Variants in SYTL2 observed in about 807,000 individuals in gnomAD.
The protein encoded by SYTL2 is synaptotagmin like 2.
SYTL2 carries 165 observed loss-of-function variants against 198.7 expected under a neutral mutation model. The observed-to-expected ratio is 0.83, with a 90% CI of 0.73 to 0.94. SYTL2 has a LOEUF of 0.94. SYTL2 is among the 40% of genes least tolerant of loss of function. The pLI is 0.00. For missense variants in SYTL2, 2,835 were observed against 2,582.8 expected (o/e 1.10, Z -2.12); for synonymous variants, 966 against 917.7 (o/e 1.05, Z -0.95).
At chr11:85,743,618 C>G (rs2090953090) in intron 4 of SYTL2, among the ~76,000 whole-genome samples, 1 of 152,100 alleles carries the variant, frequency 6.6e-6, no homozygotes, top group African/African-American at 2.4e-5. Flanking sequence ...TGAAGTCACA[C>G]AAGGAATGCA....
At position 85,709,328 on chromosome 11, in the gene SYTL2, T is replaced by C. The variant is rs1369479371; in HGVS notation, c.5915+3A>G. 2 of 1,613,984 alleles carry C rather than the reference T, an allele frequency of 1.2e-6. No individual in the cohort carries two copies. Among genetic ancestry groups the C allele is most frequent in the African/African-American group, 2.7e-5 (2 of 74,928 alleles). ...AAGGTAGGTGACTCTAAAATGTACTTACGGGTCTGAACGCTGTTTTTTTAC... is the reference window on the plus strand; with the variant it reads ...AAGGTAGGTGACTCTAAAATGTACTCACGGGTCTGAACGCTGTTTTTTTAC... On this transcript the variant is annotated splice_donor_region_variant and intron_variant, in intron 14 of 19. Transcript: ENST00000359152.
Position 85,727,016 on chromosome 11 carries a change from T to C in SYTL2, c.2342A>G (p.Lys781Arg), listed in dbSNP as rs568355733. 1 of 1,536,558 alleles carries C rather than the reference T, an allele frequency of 6.5e-7. No homozygotes were observed. Among genetic ancestry groups the C allele is most frequent in the South Asian group, 1.2e-5 (1 of 84,052 alleles). Residue 781 changes from lysine (K) to arginine (R), a missense_variant, in exon 8 of 20, where the codon AAG becomes AGG. By Grantham distance (26) the Lys-to-Arg change is conservative. Transcript: ENST00000359152. The stretch of plus-strand genomic sequence containing the variant: ...GTATTTCTCTCTCTGCACTTGGTTC[T>C]TGGGAACCTCACCAGCTTCTTGCTG... Reference protein sequence around the residue: ...QFQQEAGEVPKNQVQREKYKR... With the variant: ...QFQQEAGEVPRNQVQREKYKR...
At chr11:85,742,908 C>T (rs2090906394) in intron 4 of SYTL2, among the ~76,000 whole-genome samples, 1 of 152,190 alleles carries the variant, frequency 6.6e-6, no homozygotes, top group Admixed American at 6.5e-5. Flanking sequence ...TCATAAACCT[C>T]TCTGCTTCCT....
At position 85,807,643 on chromosome 11, in the gene SYTL2, C is replaced by T. The variant is rs116801136; in HGVS notation, c.-390+3311G>A. On this transcript the variant is annotated intron_variant, in intron 1 of 19. Transcript: ENST00000359152. The stretch of plus-strand genomic sequence containing the variant: ...CCTGAATTTTCTGCAAATTACTGTG[C>T]AAATTAGTTTTTTAATTTTCTGCTC... 4.2e-3 allele frequency among the ~76,000 whole-genome samples: 639 copies of T among 152,274 alleles called. 5 individuals are homozygous for T. Among genetic ancestry groups the T allele is most frequent in the African/African-American group, 0.015 (623 of 41,558 alleles).
chr11:85,839,483 C>T, the SYTL2 span, among the ~76,000 whole-genome samples: 1 of 152,162 alleles, frequency 6.6e-6, no homozygotes, highest in African/African-American at 2.4e-5. Flanking sequence ...TGGTTGAACT[C>T]TCATGAGTTC....
intron 1 of SYTL2, among the ~76,000 whole-genome samples, chr11:85,792,190 C>A (rs1566029808): frequency 1.3e-5 from 2 of 152,126 alleles, no homozygotes; most frequent in South Asian, 4.1e-4. Flanking sequence ...ACATGACTTA[C>A]TTGGGAAACC....
chr11:85,805,157 G>A (rs963959477), intron 1 of SYTL2, among the ~76,000 whole-genome samples: 1 of 151,986 alleles, frequency 6.6e-6, no homozygotes, highest in African/African-American at 2.4e-5. Context: ...CCCTGAACGT[G>A]TCCCAAAATG....
At chr11:85,735,896 C>A (rs2090297526) in intron 6 of SYTL2, among the ~76,000 whole-genome samples, 1 of 152,124 alleles carries the variant, frequency 6.6e-6, no homozygotes, top group African/African-American at 2.4e-5. Context: ...AACCCCAGCT[C>A]CACTGTTTTT....
At chr11:85,732,929 G>C (rs1037282518) in intron 7 of SYTL2, among the ~76,000 whole-genome samples, 3 of 152,014 alleles carry the variant, frequency 2.0e-5, no homozygotes, top group Non-Finnish European at 1.5e-5. Flanking sequence ...AAAACATTAT[G>C]ATTACTTCAT....
chr11:85,769,949 C>T (rs2092323166), intron 1 of SYTL2, among the ~76,000 whole-genome samples: 5 of 152,186 alleles, frequency 3.3e-5, no homozygotes, highest in Admixed American at 3.3e-4. Context: ...ACAACCTCCA[C>T]CTGGCAACCA....
rs1346304256 is a variant in SYTL2 at position 85,707,505 on chromosome 11, T to A, written c.5942A>T (p.Asp1981Val). ...TTTCTTCTTGCCCATTTTGCCTTTG[T>A]CTGGTAGCAAATAGGCCTTTACATA... ...DPYVKAYLLP[D>V]KGKMGKKKTL... Residue 1981 changes from aspartate to valine, a missense_variant, in exon 15 of 20, where the codon GAC becomes GTC. Around this residue, in one of 3 missense-constraint regions of SYTL2, gnomAD observed 2,645 missense variants for 2,381.7 expected, o/e 1.11. Transcript: ENST00000359152. 1.2e-6 allele frequency: 2 copies of A among 1,613,662 alleles called. No homozygotes were observed. The highest frequency in any genetic ancestry group is 1.7e-5 in the Admixed American group (1 of 60,000).
chr11:85,845,139 G>A, the SYTL2 span, among the ~76,000 whole-genome samples: 1 of 152,128 alleles, frequency 6.6e-6, no homozygotes, highest in Non-Finnish European at 1.5e-5. Flanking sequence ...AATTTTCCCT[G>A]ACTCTCAAGA....
At position 85,734,579 on chromosome 11, in the gene SYTL2, T is replaced by G. The variant is rs1240665026; in HGVS notation, c.750A>C (p.Lys250Asn). 1 of 1,614,226 alleles carries G rather than the reference T, an allele frequency of 6.2e-7. No homozygotes were observed. The highest frequency in any genetic ancestry group is 8.5e-7 in the Non-Finnish European group (1 of 1,180,038). ...KMIYKSTDLNKDDNQSFPRQR... is the reference protein window; with the variant it reads ...KMIYKSTDLNNDDNQSFPRQR... The stretch of plus-strand genomic sequence containing the variant: ...GTCTAGGAAAAGACTGGTTATCATC[T>G]TTGTTTAAATCAGTTGATTTGTAGA... The change falls in exon 7 of 20, where the codon AAA becomes AAC. Residue 250 changes from lysine to asparagine, a missense_variant. By Grantham distance (94) the Lys-to-Asn change is moderately conservative (BLOSUM62 0). Transcript: ENST00000359152.
chr11:85,817,985 C>T, the SYTL2 span, among the ~76,000 whole-genome samples: 2 of 147,482 alleles, frequency 1.4e-5, no homozygotes, highest in Admixed American at 6.9e-5. Context: ...CTCACTGCAA[C>T]CTCTACCTCC....
chr11:85,705,724 G>A (rs938541663), intron 15 of SYTL2, among the ~76,000 whole-genome samples: 2 of 152,136 alleles, frequency 1.3e-5, no homozygotes, highest in Non-Finnish European at 2.9e-5. Flanking sequence ...GCTTCATGAT[G>A]TACTACTTGA....
chr11:85,707,726 T>C (rs1407819777), intron 14 of SYTL2, among the ~76,000 whole-genome samples, 195 bp from the exon 15 acceptor site: 1 of 152,158 alleles, frequency 6.6e-6, no homozygotes. Flanking sequence ...TTGATCATTT[T>C]ATATTGTTTT....
At chr11:85,712,976 C>G (rs1417709924) in intron 12 of SYTL2, among the ~76,000 whole-genome samples, 1 of 152,182 alleles carries the variant, frequency 6.6e-6, no homozygotes, top group Non-Finnish European at 1.5e-5. Context: ...GTCTCAGTTT[C>G]CCAAAGTGCC....
At chr11:85,780,266 T>C (rs2092536224) in intron 1 of SYTL2, among the ~76,000 whole-genome samples, 1 of 152,242 alleles carries the variant, frequency 6.6e-6, no homozygotes, top group South Asian at 2.1e-4. Flanking sequence ...TGTCTCTCTG[T>C]GATATTGTGA....
At chr11:85,790,445 T>C (rs1008429731) in intron 1 of SYTL2, among the ~76,000 whole-genome samples, 1 of 152,212 alleles carries the variant, frequency 6.6e-6, no homozygotes, top group African/African-American at 2.4e-5. Flanking sequence ...CTGCATAATA[T>C]AAAGCATAAC....
Sources: gnomAD v4.1 joint callset for allele counts (sites outside exome capture counted in the v4.1 genomes callset) on GRCh38, gnomAD v4.1.1 for gene constraint, gnomAD v4.1.1 regional missense constraint, MANE v1.5 for transcripts, NCBI Gene and HGNC (gene_info 2026-07-23, HGNC 2026-07-21) for gene names.